Variants in RBFOX1 observed in about 807,000 individuals in gnomAD.
RBFOX1 encodes the protein RNA binding fox-1 homolog 1, also known as RNA binding protein fox-1 homolog 1.
A neutral mutation model predicts 57.7 loss-of-function variants in RBFOX1; 8 were observed. The ratio of observed to expected loss-of-function variants is 0.14; its 90% confidence interval spans 0.08 to 0.25. The LOEUF (loss-of-function observed/expected upper bound fraction) is 0.25. Ranked by LOEUF, RBFOX1 falls within the 10% of genes least tolerant of loss-of-function variation. The pLI is 1.00. For missense variants in RBFOX1, 611 were observed against 548.5 expected (o/e 1.11, Z -1.14); for synonymous variants, 326 against 222.4 (o/e 1.47, Z -4.15).
intron 1 of RBFOX1, among the ~76,000 whole-genome samples, chr16:5,301,484 T>C (rs1242656880): frequency 2.6e-5 from 4 of 151,860 alleles, no homozygotes; most frequent in Non-Finnish European, 5.9e-5. Flanking sequence ...CCAAGTGTGG[T>C]GGCAGGCGCC....
At chr16:5,845,194 T>C (rs2056724584) in intron 3 of RBFOX1, among the ~76,000 whole-genome samples, 1 of 151,944 alleles carries the variant, frequency 6.6e-6, no homozygotes, top group Non-Finnish European at 1.5e-5. Context: ...AATTTTGCCA[T>C]GGAGTCATTG....
At chr16:6,899,824 A>T (rs1250756331) in intron 3 of RBFOX1, among the ~76,000 whole-genome samples, 1 of 152,234 alleles carries the variant, frequency 6.6e-6, no homozygotes, top group Non-Finnish European at 1.5e-5. Flanking sequence ...AGGAAAGCAA[A>T]AGCAGGCAGG....
chr16:6,972,223 C>T (rs9931002), intron 3 of RBFOX1, among the ~76,000 whole-genome samples: 7,280 of 152,182 alleles, frequency 0.048, 568 homozygotes, highest in African/African-American at 0.16. Flanking sequence ...ATCTGAAACT[C>T]TGTATCTATT....
intron 3 of RBFOX1, among the ~76,000 whole-genome samples, chr16:6,829,312 A>G (rs1269818749): frequency 2.6e-5 from 4 of 152,046 alleles, no homozygotes; most frequent in East Asian, 1.9e-4. Context: ...TTTAATCTAC[A>G]TAAATACATA....
intron 2 of RBFOX1, among the ~76,000 whole-genome samples, chr16:6,485,405 AT>A (rs373174198): frequency 1.3e-5 from 2 of 149,484 alleles, no homozygotes; most frequent in African/African-American, 2.5e-5. Flanking sequence ...TCCTTATCCC[AT>A]TTTTTTTCAT....
At chr16:5,476,866 C>T (rs898000220) in intron 2 of RBFOX1, among the ~76,000 whole-genome samples, 4 of 152,148 alleles carry the variant, frequency 2.6e-5, no homozygotes, top group Admixed American at 2.6e-4. Flanking sequence ...CCAAGTTAAC[C>T]TTTCTCAATC....
intron 1 of RBFOX1, among the ~76,000 whole-genome samples, chr16:6,116,376 C>A (rs996239457): frequency 6.6e-6 from 1 of 152,116 alleles, no homozygotes; most frequent in Non-Finnish European, 1.5e-5. Flanking sequence ...TTCTGACAAA[C>A]CTGCACATTC....
At chr16:5,526,549 A>G (rs1304130174) in intron 2 of RBFOX1, among the ~76,000 whole-genome samples, 1 of 152,094 alleles carries the variant, frequency 6.6e-6, no homozygotes, top group African/African-American at 2.4e-5. Context: ...TCAGCCTCCC[A>G]AAGTGCTGGG....
intron 2 of RBFOX1, among the ~76,000 whole-genome samples, chr16:6,532,069 C>G (rs919775672): frequency 2.0e-5 from 3 of 152,174 alleles, no homozygotes; most frequent in African/African-American, 7.2e-5. Flanking sequence ...ATGTATCATT[C>G]TGCTCCAGTT....
chr16:7,268,814 G>A (rs188192722), intron 4 of RBFOX1, among the ~76,000 whole-genome samples: 194 of 151,842 alleles, frequency 1.3e-3, no homozygotes, highest in Admixed American at 3.9e-3. Flanking sequence ...TGGGTGGGGC[G>A]GATCACGAGG....
intron 3 of RBFOX1, among the ~76,000 whole-genome samples, chr16:5,855,879 C>A (rs28793028): frequency 6.7e-6 from 1 of 148,802 alleles, no homozygotes; most frequent in Non-Finnish European, 1.5e-5. Flanking sequence ...ATTTATCTGT[C>A]TTAAGTTTCC....
chr16:5,532,466 A>G (rs117150972), intron 2 of RBFOX1, among the ~76,000 whole-genome samples: 1,651 of 152,330 alleles, frequency 0.011, 13 homozygotes, highest in Non-Finnish European at 0.019. Flanking sequence ...GCATTTCACA[A>G]GACCCCCTGG....
chr16:5,596,508 G>A (rs1267478061), intron 2 of RBFOX1, among the ~76,000 whole-genome samples: 2 of 152,242 alleles, frequency 1.3e-5, no homozygotes, highest in African/African-American at 2.4e-5. Flanking sequence ...GCAGGAGTGT[G>A]TCCCTAGACT....
chr16:7,537,815 C>T (rs992322538), intron 5 of RBFOX1, among the ~76,000 whole-genome samples: 1 of 152,202 alleles, frequency 6.6e-6, no homozygotes, highest in African/African-American at 2.4e-5. Flanking sequence ...AGACTAGAGC[C>T]TTTGAAAATT....
intron 4 of RBFOX1, among the ~76,000 whole-genome samples, chr16:7,111,117 C>G (rs1190932897): frequency 6.6e-6 from 1 of 152,166 alleles, no homozygotes; most frequent in Non-Finnish European, 1.5e-5. Context: ...TGGCCAATCT[C>G]ATTTTCCTAC....
At chr16:5,671,288 A>G (rs2151417757) in intron 3 of RBFOX1, among the ~76,000 whole-genome samples, 1 of 152,336 alleles carries the variant, frequency 6.6e-6, no homozygotes, top group Middle Eastern at 3.4e-3. Flanking sequence ...GAAATCTAAG[A>G]GCAAGGAGGC....
chr16:5,810,294 G>A (rs933646142), intron 3 of RBFOX1, among the ~76,000 whole-genome samples: 4 of 152,036 alleles, frequency 2.6e-5, no homozygotes, highest in African/African-American at 9.7e-5. Flanking sequence ...CCTGCACATT[G>A]TGCACATGTA....
At chr16:5,893,989 G>GA (rs1439177726) in intron 4 of RBFOX1, among the ~76,000 whole-genome samples, 3 of 152,188 alleles carry the variant, frequency 2.0e-5, no homozygotes, top group Non-Finnish European at 4.4e-5. Context: ...ATGAGGAGGG[G>GA]AGGGAATCAA....
At chr16:6,912,078 A>G (rs12709162) in intron 3 of RBFOX1, among the ~76,000 whole-genome samples, 114,849 of 152,178 alleles carry the variant, frequency 0.75, 43,546 homozygotes, top group East Asian at 0.93. Flanking sequence ...GTGAATAAAT[A>G]TGCTGTTGCT....
Sources: allele counts gnomAD v4.1 joint callset (sites outside exome capture counted in the v4.1 genomes callset), GRCh38; gene constraint gnomAD v4.1.1; transcripts MANE v1.5; gene names NCBI Gene and HGNC (gene_info 2026-07-23, HGNC 2026-07-21).